The following MGAT4C variants were observed in gnomAD, a reference collection of about 807,000 sequenced individuals.
The protein encoded by MGAT4C is alpha-1,3-mannosyl-glycoprotein 4-beta-N-acetylglucosaminyltransferase C.
In MGAT4C, 19 loss-of-function variants were observed where a neutral mutation model predicts 40.1. That is an observed-to-expected ratio of 0.47 (90% CI 0.33 to 0.70). The LOEUF (loss-of-function observed/expected upper bound fraction) is 0.70, where lower values mean the gene tolerates loss of function less well. Among genes scored for constraint, MGAT4C ranks in the 30% least tolerant of loss-of-function variants. MGAT4C has a pLI of 0.02. For synonymous variants in MGAT4C, 181 were observed against 187.1 expected, an observed-to-expected ratio of 0.97 and a Z score of 0.27; for missense variants, 491 against 563.2, an observed-to-expected ratio of 0.87 and a Z score of 1.30.
intron 1 of MGAT4C, among the ~76,000 whole-genome samples, chr12:86,109,292 A>G (rs1413963768): frequency 6.6e-6 from 1 of 152,160 alleles, no homozygotes; most frequent in Non-Finnish European, 1.5e-5. Context: ...GAGTTTCCAG[A>G]GAAACTGATA....
intron 2 of MGAT4C, among the ~76,000 whole-genome samples, chr12:86,719,369 T>A (rs895378864): frequency 1.3e-5 from 2 of 152,204 alleles, no homozygotes; most frequent in Non-Finnish European, 2.9e-5. Context: ...TCTCTCAACC[T>A]GTAGATCTAT....
intron 2 of MGAT4C, among the ~76,000 whole-genome samples, chr12:86,656,627 T>C (rs1469987061): frequency 6.6e-6 from 1 of 152,094 alleles, no homozygotes; most frequent in African/African-American, 2.4e-5. Context: ...CCAAAATTGA[T>C]ATAACAGTTG....
At chr12:86,143,732 T>C (rs551029442) in intron 1 of MGAT4C, among the ~76,000 whole-genome samples, 16 of 152,204 alleles carry the variant, frequency 1.1e-4, no homozygotes, top group African/African-American at 3.6e-4. Context: ...AAAACTTGAG[T>C]GGCAGAAATT....
intron 2 of MGAT4C, among the ~76,000 whole-genome samples, chr12:86,611,425 T>C (rs1000146297): frequency 6.7e-6 from 1 of 150,264 alleles, no homozygotes; most frequent in Non-Finnish European, 1.5e-5. Flanking sequence ...GGTAGGTAGA[T>C]AGATAGATGA....
intron 3 of MGAT4C, among the ~76,000 whole-genome samples, chr12:86,406,170 A>ATATTTAGC (rs746397098): frequency 2.5e-4 from 38 of 150,724 alleles, no homozygotes; most frequent in Non-Finnish European, 4.4e-4. Context: ...ATAAGTAAAA[A>ATATTTAGC]TATTTAGCAT....
chr12:86,796,920 A>G (rs1952133898), intron 1 of MGAT4C, among the ~76,000 whole-genome samples: 1 of 151,930 alleles, frequency 6.6e-6, no homozygotes, highest in Non-Finnish European at 1.5e-5. Flanking sequence ...GTATCTGTCC[A>G]TTAAAAATAT....
intron 2 of MGAT4C, among the ~76,000 whole-genome samples, chr12:86,642,692 T>C (rs1012390819): frequency 7.2e-5 from 11 of 151,812 alleles, no homozygotes; most frequent in Non-Finnish European, 1.3e-4. Flanking sequence ...TGTAAGGTTT[T>C]GTCTTTATTT....
At chr12:86,125,319 T>C (rs534501221) in intron 1 of MGAT4C, among the ~76,000 whole-genome samples, 23 of 152,262 alleles carry the variant, frequency 1.5e-4, no homozygotes, top group African/African-American at 5.5e-4. Context: ...TTACTTATAG[T>C]AGTTCCAGGC....
rs558820799 is a variant in MGAT4C, at chr12:86,265,024, G to A, written c.-57+69041C>T. Among the ~76,000 whole-genome samples the A allele has an allele frequency of 1.8e-3, 267 of 152,326 alleles. 1 individual carries two copies. Among genetic ancestry groups the A allele is most frequent in the Middle Eastern group, 3.4e-3 (1 of 294 alleles). ...ACTGCGTTCCCTGGTGCCAGCCATG[G>A]AAGCTGCTTGCAGTAAGCCTGGTCT... On this transcript the variant is annotated intron_variant, in intron 4 of 7. Coordinates refer to the MGAT4C transcript ENST00000548651.
At chr12:86,780,339 T>C (rs1593200467) in intron 1 of MGAT4C, among the ~76,000 whole-genome samples, 2 of 152,014 alleles carry the variant, frequency 1.3e-5, no homozygotes, top group Admixed American at 6.6e-5. Context: ...TGCATAGCAG[T>C]GAAGTCTGGG....
chr12:86,555,345 A>C (rs1959557651), intron 2 of MGAT4C, among the ~76,000 whole-genome samples: 1 of 152,222 alleles, frequency 6.6e-6, no homozygotes, highest in African/African-American at 2.4e-5. Flanking sequence ...ATTAGAATTA[A>C]ATACAAATGG....
chr12:86,378,963 A>T (rs1955880738), intron 3 of MGAT4C, among the ~76,000 whole-genome samples: 2 of 152,102 alleles, frequency 1.3e-5, no homozygotes, highest in African/African-American at 4.8e-5. Flanking sequence ...AGCTCTTAGA[A>T]TCAACCTGCT....
At chr12:86,210,656 T>A (rs1566151145) in intron 1 of MGAT4C, among the ~76,000 whole-genome samples, 1 of 152,220 alleles carries the variant, frequency 6.6e-6, no homozygotes, top group African/African-American at 2.4e-5. Flanking sequence ...TACATTTACC[T>A]TTAAGGCTTC....
chr12:86,062,503 G>A (rs904071619), intron 1 of MGAT4C, among the ~76,000 whole-genome samples: 1 of 151,992 alleles, frequency 6.6e-6, no homozygotes. Flanking sequence ...ACCAGCAAGG[G>A]AACAAAACTG....
At chr12:85,987,082 T>C (rs1592612726) in intron 3 of MGAT4C, among the ~76,000 whole-genome samples, 1 of 151,394 alleles carries the variant, frequency 6.6e-6, no homozygotes, top group Non-Finnish European at 1.5e-5. Context: ...TTAACTCATT[T>C]TTTTCCAACT....
chr12:86,529,113 G>T (rs967272263), intron 2 of MGAT4C, among the ~76,000 whole-genome samples: 1 of 151,946 alleles, frequency 6.6e-6, no homozygotes, highest in Non-Finnish European at 1.5e-5. Flanking sequence ...TCCTTTCTTT[G>T]GTATTCTAGC....
intron 4 of MGAT4C, among the ~76,000 whole-genome samples, chr12:86,292,345 G>A (rs4503614): frequency 0.67 from 101,897 of 151,522 alleles, 34,669 homozygotes; most frequent in South Asian, 0.78. Flanking sequence ...TAACTTACTA[G>A]AAAGAGGTTT....
chr12:86,778,388 C>T (rs1188434491), intron 1 of MGAT4C, among the ~76,000 whole-genome samples: 1 of 152,160 alleles, frequency 6.6e-6, no homozygotes, highest in African/African-American at 2.4e-5. Flanking sequence ...GTACACACTT[C>T]TTTGAGAATT....
chr12:86,597,706 CAA>C (rs1489729465), intron 2 of MGAT4C, among the ~76,000 whole-genome samples: 4 of 152,104 alleles, frequency 2.6e-5, no homozygotes, highest in African/African-American at 9.7e-5. Context: ...GCTGACTTAC[CAA>C]AGAGTACAGT....
Sources: allele counts gnomAD v4.1 joint callset (sites outside exome capture counted in the v4.1 genomes callset), GRCh38; gene constraint gnomAD v4.1.1; transcripts MANE v1.5; gene names NCBI Gene and HGNC (gene_info 2026-07-23, HGNC 2026-07-21).